ADCY2: variants seen among roughly 807,000 people sequenced by gnomAD.
The protein encoded by ADCY2 is adenylate cyclase 2.
A neutral mutation model predicts 125.2 loss-of-function variants in ADCY2; 31 were observed. The ratio of observed to expected loss-of-function variants is 0.25; its 90% CI spans 0.19 to 0.33. The LOEUF (loss-of-function observed/expected upper bound fraction) is 0.33. Among genes scored for constraint, ADCY2 ranks in the 10% least tolerant of loss-of-function variants. The pLI is 1.00. For missense variants in ADCY2, 904 were observed against 1,418.2 expected, an observed-to-expected ratio of 0.64 and a Z score of 5.82; for synonymous variants, 512 against 548.4, an observed-to-expected ratio of 0.93 and a Z score of 0.93.
At chr5:7,818,452 G>A (rs1745188060) in intron 23 of ADCY2, among the ~76,000 whole-genome samples, 1 of 151,662 alleles carries the variant, frequency 6.6e-6, no homozygotes. Context: ...CACCTCCTGG[G>A]TTCACGTGAT....
chr5:7,540,139 T>C (rs968915610), intron 3 of ADCY2, among the ~76,000 whole-genome samples: 4 of 152,186 alleles, frequency 2.6e-5, no homozygotes, highest in South Asian at 2.1e-4. Flanking sequence ...TGAGAACACA[T>C]GGACACATAG....
At chr5:7,688,885 G>C (rs1036197851) in intron 4 of ADCY2, among the ~76,000 whole-genome samples, 5 of 152,098 alleles carry the variant, frequency 3.3e-5, no homozygotes, top group African/African-American at 1.2e-4. Context: ...ATTACCTTTA[G>C]AGTTTCCCAA....
chr5:7,515,016 G>T (rs980044616), intron 2 of ADCY2, among the ~76,000 whole-genome samples: 5 of 152,192 alleles, frequency 3.3e-5, no homozygotes, highest in Non-Finnish European at 7.3e-5. Context: ...ATGATCTGAA[G>T]AAGCCATGAA....
chr5:7,713,156 T>A (rs1741490519), intron 11 of ADCY2, among the ~76,000 whole-genome samples: 1 of 152,082 alleles, frequency 6.6e-6, no homozygotes, highest in African/African-American at 2.4e-5. Flanking sequence ...AGACTCTTCT[T>A]AATATTAATG....
intron 3 of ADCY2, among the ~76,000 whole-genome samples, chr5:7,562,644 T>C (rs1561096245): frequency 6.6e-6 from 1 of 151,958 alleles, no homozygotes; most frequent in African/African-American, 2.4e-5. Context: ...CAGACAGACA[T>C]AGACAGACAC....
At chr5:7,464,141 G>A (rs1213297629) in intron 2 of ADCY2, among the ~76,000 whole-genome samples, 3 of 152,154 alleles carry the variant, frequency 2.0e-5, no homozygotes, top group Non-Finnish European at 2.9e-5. Flanking sequence ...TTTTGTGTGT[G>A]TGTTGTCTAC....
At chr5:7,791,801 C>T (rs562961636) in intron 20 of ADCY2, among the ~76,000 whole-genome samples, 1 of 152,216 alleles carries the variant, frequency 6.6e-6, no homozygotes, top group African/African-American at 2.4e-5. Flanking sequence ...TGGCCTCATC[C>T]TCCGTGGGCG....
At chr5:7,653,258 C>T (rs2973321) in intron 4 of ADCY2, among the ~76,000 whole-genome samples, 22,433 of 152,026 alleles carry the variant, frequency 0.15, 2,057 homozygotes, top group East Asian at 0.44. Flanking sequence ...AGTGTGGACT[C>T]GAGCCGGCCA....
chr5:7,467,465 C>T (rs760331961), intron 2 of ADCY2, among the ~76,000 whole-genome samples: 1 of 152,276 alleles, frequency 6.6e-6, no homozygotes, highest in African/African-American at 2.4e-5. Context: ...GACCATGGAC[C>T]GGCGGGCCAT....
rs143933340 is a variant in ADCY2, at chr5:7,673,020, T to C, written c.721-17671T>C. On this transcript the variant is annotated intron_variant, in intron 4 of 24. Transcript: ENST00000338316. ...AGTATCCCACACCACACAGAGGACA[T>C]GCCTCCTTGGAAGGGTCAGGAGTAC... Among the ~76,000 whole-genome samples the C allele has an allele frequency of 5.1e-3, 768 of 152,036 alleles. 6 individuals carry two copies. The highest frequency in any genetic ancestry group is 0.016 in the East Asian group (83 of 5,120).
At chr5:7,687,665 A>G (rs752587562) in intron 4 of ADCY2, among the ~76,000 whole-genome samples, 1 of 152,192 alleles carries the variant, frequency 6.6e-6, no homozygotes, top group Non-Finnish European at 1.5e-5. Context: ...TTCATCAGCT[A>G]CCTCTTCATT....
intron 2 of ADCY2, among the ~76,000 whole-genome samples, chr5:7,507,627 T>A (rs1743889897): frequency 6.6e-6 from 1 of 152,160 alleles, no homozygotes. Flanking sequence ...CCTCGTTGCT[T>A]CCAAATAAAC....
chr5:7,617,478 G>A (rs2388916), intron 3 of ADCY2, among the ~76,000 whole-genome samples: 1 of 151,176 alleles, frequency 6.6e-6, no homozygotes, highest in African/African-American at 2.4e-5. Flanking sequence ...ATTATTATTA[G>A]TAGTAGTAGT....
At chr5:7,743,015 C>T (rs75271545) in intron 14 of ADCY2, among the ~76,000 whole-genome samples, 38,431 of 151,970 alleles carry the variant, frequency 0.25, 6,374 homozygotes, top group Non-Finnish European at 0.37. Context: ...AGGGACCTTT[C>T]GGATATGTAT....
intron 2 of ADCY2, among the ~76,000 whole-genome samples, chr5:7,452,028 A>G (rs1741490875): frequency 6.6e-6 from 1 of 152,158 alleles, no homozygotes; most frequent in Admixed American, 6.6e-5. Context: ...CTCCAGCCTC[A>G]GCCTCTCGAG....
chr5:7,496,279 C>T (rs759800861), intron 2 of ADCY2, among the ~76,000 whole-genome samples: 2 of 152,080 alleles, frequency 1.3e-5, no homozygotes, highest in Non-Finnish European at 2.9e-5. Context: ...AAAGCAACAA[C>T]ATTTTAATAA....
intron 3 of ADCY2, among the ~76,000 whole-genome samples, chr5:7,581,853 GAAAAGA>G (rs1735805959): frequency 6.7e-6 from 1 of 150,070 alleles, no homozygotes; most frequent in Non-Finnish European, 1.5e-5. Flanking sequence ...AAAAAGAAAA[GAAAAGA>G]AAAAGAGGAA....
intron 2 of ADCY2, among the ~76,000 whole-genome samples, chr5:7,512,716 A>G (rs952772986): frequency 2.6e-5 from 4 of 152,180 alleles, no homozygotes; most frequent in African/African-American, 7.2e-5. Flanking sequence ...ACTATGGTAT[A>G]TGAACATGGG....
At chr5:7,750,542 A>G (rs2126445931) in intron 15 of ADCY2, among the ~76,000 whole-genome samples, 1 of 152,374 alleles carries the variant, frequency 6.6e-6, no homozygotes, top group Middle Eastern at 3.4e-3. Context: ...CCATATTACT[A>G]AAATGCTTCC....
Sources: gnomAD v4.1 joint callset for allele counts (sites outside exome capture counted in the v4.1 genomes callset) on GRCh38, gnomAD v4.1.1 for gene constraint, MANE v1.5 for transcripts, NCBI Gene and HGNC (gene_info 2026-07-23, HGNC 2026-07-21) for gene names.